Variants in MAPK14 observed in about 807,000 individuals in gnomAD.
MAPK14 encodes mitogen-activated protein kinase 14, also known as CSAID-binding protein.
A neutral mutation model predicts 49.6 loss-of-function variants in MAPK14; 16 were observed. The ratio of observed to expected loss-of-function variants is 0.32; its 90% CI spans 0.22 to 0.49. The LOEUF (loss-of-function observed/expected upper bound fraction) is 0.49. Among genes scored for constraint, MAPK14 ranks in the 20% least tolerant of loss-of-function variants. The pLI is 0.99. For synonymous variants in MAPK14, 142 were observed against 158.0 expected, an observed-to-expected ratio of 0.90 and a Z score of 0.76; for missense variants, 200 against 441.2, an observed-to-expected ratio of 0.45 and a Z score of 4.90.
intron 8 of MAPK14, among the ~76,000 whole-genome samples, chr6:36,089,956 T>C (rs377117521): frequency 1.3e-5 from 2 of 152,244 alleles, no homozygotes; most frequent in East Asian, 1.9e-4. Context: ...TGGCTTGCTG[T>C]TGTTTTCCTT....
the MAPK14 span, among the ~76,000 whole-genome samples, chr6:36,121,690 G>A: frequency 6.6e-6 from 1 of 152,180 alleles, no homozygotes; most frequent in East Asian, 1.9e-4. Flanking sequence ...ACAGGGTCTT[G>A]CAATGTTCTT....
chr6:36,090,455 C>T (rs1008552676), intron 8 of MAPK14, among the ~76,000 whole-genome samples: 11 of 151,840 alleles, frequency 7.2e-5, no homozygotes, highest in Non-Finnish European at 1.0e-4. Context: ...GTGATCTGCC[C>T]GCCTTGGCCT....
chr6:36,056,140 A>C (rs899967529), intron 2 of MAPK14, among the ~76,000 whole-genome samples: 3 of 152,194 alleles, frequency 2.0e-5, no homozygotes, highest in Admixed American at 2.0e-4. Context: ...TAATCATTTG[A>C]ATAGTTGAGC....
intron 1 of MAPK14, among the ~76,000 whole-genome samples, chr6:36,045,569 G>A (rs1286185298): frequency 6.6e-6 from 1 of 152,080 alleles, no homozygotes; most frequent in East Asian, 1.9e-4. Flanking sequence ...AGCCCTTTGG[G>A]AGGCTGAGGT....
chr6:36,105,539 G>A (rs1381572879), intron 10 of MAPK14, among the ~76,000 whole-genome samples: 2 of 151,996 alleles, frequency 1.3e-5, no homozygotes, highest in African/African-American at 2.4e-5. Flanking sequence ...AGCTGATAAG[G>A]TTTCTTTTTC....
chr6:36,032,229 A>G (rs564069853), intron 1 of MAPK14, among the ~76,000 whole-genome samples: 3 of 152,324 alleles, frequency 2.0e-5, no homozygotes, highest in African/African-American at 4.8e-5. Flanking sequence ...TTAAGCCTAT[A>G]TTATTTTAAT....
intron 6 of MAPK14, 80 bp from the exon 7 acceptor site, chr6:36,075,768 T>TTTG (rs970994111): frequency 1.9e-6 from 3 of 1,592,506 alleles, no homozygotes; most frequent in East Asian, 2.2e-5. Context: ...CAGAGGTTTG[T>TTTG]TTGTTGTTGT....
At chr6:36,122,100 A>G in the MAPK14 span, among the ~76,000 whole-genome samples, 1 of 152,208 alleles carries the variant, frequency 6.6e-6, no homozygotes. Flanking sequence ...CAGAGCCCAA[A>G]CCTCTGCCAT....
intron 1 of MAPK14, among the ~76,000 whole-genome samples, chr6:36,043,391 C>T (rs751187482): frequency 1.9e-4 from 29 of 151,958 alleles, no homozygotes; most frequent in Non-Finnish European, 3.7e-4. Context: ...TTTGAGGTTC[C>T]TAAATCAAAA....
downstream of MAPK14, among the ~76,000 whole-genome samples, chr6:36,112,205 C>CAA (rs11387797): frequency 2.8e-3 from 389 of 138,352 alleles, 1 homozygote; most frequent in African/African-American, 9.3e-3. Context: ...GACTCCGTCT[C>CAA]AAAAAAAAAA....
chr6:36,059,654 A>G (rs1477321226), intron 3 of MAPK14, among the ~76,000 whole-genome samples: 1 of 151,492 alleles, frequency 6.6e-6, no homozygotes, highest in African/African-American at 2.4e-5. Flanking sequence ...TGTTTATCCC[A>G]GGTTTGGTTT....
At chr6:36,123,687 T>C in the MAPK14 span, among the ~76,000 whole-genome samples, 4 of 152,192 alleles carry the variant, frequency 2.6e-5, no homozygotes, top group East Asian at 7.7e-4. Flanking sequence ...TACAGAGTCA[T>C]TGTCCAGAGG....
At chr6:36,079,886 C>T (rs1486034492) in intron 8 of MAPK14, among the ~76,000 whole-genome samples, 1 of 151,852 alleles carries the variant, frequency 6.6e-6, no homozygotes, top group Non-Finnish European at 1.5e-5. Context: ...GCTAGTTTAA[C>T]TTGGAAATTG....
intron 8 of MAPK14, among the ~76,000 whole-genome samples, chr6:36,080,134 C>T (rs954271159): frequency 6.6e-6 from 1 of 152,046 alleles, no homozygotes; most frequent in African/African-American, 2.4e-5. Flanking sequence ...GACAGGGTTT[C>T]ACCATGTTAG....
intron 1 of MAPK14, among the ~76,000 whole-genome samples, chr6:36,050,729 G>A (rs1435833479): frequency 2.6e-5 from 4 of 152,220 alleles, no homozygotes; most frequent in Non-Finnish European, 4.4e-5. Context: ...GTCCTGAAGT[G>A]GTAACGGCTG....
chr6:36,123,214 A>G, the MAPK14 span, among the ~76,000 whole-genome samples: 1 of 152,136 alleles, frequency 6.6e-6, no homozygotes, highest in Non-Finnish European at 1.5e-5. Flanking sequence ...AGGGCTGTCC[A>G]CAGGGAGGAA....
intron 1 of MAPK14, among the ~76,000 whole-genome samples, chr6:36,051,182 C>T (rs1763380257): frequency 6.6e-6 from 1 of 151,092 alleles, no homozygotes; most frequent in Admixed American, 6.6e-5. Context: ...ATGGTGCAAT[C>T]TCAGCTCACT....
intron 7 of MAPK14, 52 bp from the exon 8 acceptor site, chr6:36,076,485 G>T: frequency 2.3e-6 from 3 of 1,332,252 alleles, no homozygotes; most frequent in Non-Finnish European, 3.2e-6. Context: ...TTGTTGCCAA[G>T]AATTGTAACA....
intron 9 of MAPK14, among the ~76,000 whole-genome samples, chr6:36,098,821 A>C (rs1291440793): frequency 6.6e-6 from 1 of 152,118 alleles, no homozygotes; most frequent in Non-Finnish European, 1.5e-5. Flanking sequence ...GAAAAGTATC[A>C]TTTGTTATGT....
Sources: gnomAD v4.1 joint callset for allele counts (sites outside exome capture counted in the v4.1 genomes callset) on GRCh38, gnomAD v4.1.1 for gene constraint, MANE v1.5 for transcripts, NCBI Gene and HGNC (gene_info 2026-07-23, HGNC 2026-07-21) for gene names.